Variants in TAF1 observed in about 807,000 individuals in gnomAD.
The protein encoded by TAF1 is TATA-box binding protein associated factor 1.
A neutral mutation model predicts 138.5 loss-of-function variants in TAF1; 2 were observed. That is an observed-to-expected ratio of 0.01 (90% confidence interval 0.01 to 0.05). The LOEUF (loss-of-function observed/expected upper bound fraction) is 0.05. Among genes scored for constraint, TAF1 ranks in the 10% least tolerant of loss-of-function variants. TAF1 has a pLI of 1.00. For missense variants in TAF1, 709 were observed against 1,478.0 expected, an observed-to-expected ratio of 0.48 and a Z score of 8.53; for synonymous variants, 437 against 503.2, an observed-to-expected ratio of 0.87 and a Z score of 1.76.
intron 13 of TAF1, among the ~76,000 whole-genome samples, chrX:71,479,311 C>G: frequency 8.9e-6 from 1 of 112,145 alleles, no homozygotes; most frequent in Non-Finnish European, 1.9e-5. Context: ...ATGGCTCATG[C>G]CTGTAATCCC....
rs1335791261 is a variant in TAF1, at chrX:71,377,589, A to G, written c.715-14A>G. ...CTTTGAGTCTGTGTCATAGTAATGT[A>G]TTCTGTGTTCTAGGTGTTACGTTTT... is the stretch of plus-strand genomic sequence containing the variant. On this transcript the variant is annotated splice_polypyrimidine_tract_variant and intron_variant, in intron 5 of 37. Transcript: ENST00000423759. The G allele has an allele frequency of 3.3e-6, 4 of 1,206,004 alleles. No homozygotes were observed. The African/African-American group carries it at 5.3e-5, about 16-fold the overall frequency.
chrX:71,493,824 C>G (rs187229671), intron 13 of TAF1, among the ~76,000 whole-genome samples: 176 of 110,641 alleles, frequency 1.6e-3, no homozygotes, highest in Non-Finnish European at 2.9e-3. Context: ...CCTCCACCCC[C>G]ATCTCTGCAA....
At chrX:71,401,000 A>C (rs2035146862) in intron 24 of TAF1, among the ~76,000 whole-genome samples, 1 of 112,261 alleles carries the variant, frequency 8.9e-6, no homozygotes, top group Non-Finnish European at 1.9e-5. Context: ...CAGGCTGATG[A>C]TGCTGCTGAA....
rs1242119096 is a variant in TAF1, at chrX:71,401,879, T to C, written c.3998+140T>C. 4 of 577,839 alleles carry C rather than the reference T, an allele frequency of 6.9e-6. No individual in the cohort carries two copies. The East Asian group carries it at 1.4e-4, about 20-fold the overall frequency. The allele number at this position is 577,839 out of a possible 1,213,427, so 47.6% of individuals were successfully genotyped here. On this transcript the variant is annotated intron_variant, in intron 25 of 37. Transcript: ENST00000423759. Reference sequence around the variant, plus strand: ...AATTTTGATGGCGTTTCCTCAGTTATTGTTGCCAGTAATGAAAATTATAGC... The same window carrying C: ...AATTTTGATGGCGTTTCCTCAGTTACTGTTGCCAGTAATGAAAATTATAGC...
intron 29 of TAF1, 80 bp from the exon 30 acceptor site, chrX:71,423,037 C>G: frequency 8.6e-7 from 1 of 1,168,552 alleles, no homozygotes; most frequent in Non-Finnish European, 1.2e-6. Context: ...CCACCACGCC[C>G]GGCAAATTGT....
At chrX:71,427,096 C>G (rs1012314722) in intron 32 of TAF1, among the ~76,000 whole-genome samples, 1 of 111,783 alleles carries the variant, frequency 8.9e-6, no homozygotes, top group Non-Finnish European at 1.9e-5. Context: ...GTCAGAAAGA[C>G]TGATGAAGAA....
intron 18 of TAF1, 39 bp from the exon 19 acceptor site, chrX:71,392,530 T>G (rs369307444): frequency 2.6e-5 from 29 of 1,122,809 alleles, no homozygotes; most frequent in Non-Finnish European, 3.4e-5. Flanking sequence ...ATAGAACAAA[T>G]GTTTCCCACT....
intron 13 of TAF1, among the ~76,000 whole-genome samples, chrX:71,508,734 G>A (rs2039679205): frequency 9.5e-6 from 1 of 105,058 alleles, no homozygotes; most frequent in Admixed American, 1.0e-4. Context: ...GAGAGACAGA[G>A]TGAGTGTGTG....
intron 24 of TAF1, among the ~76,000 whole-genome samples, chrX:71,399,388 C>G (rs922463613): frequency 2.9e-5 from 3 of 102,607 alleles, no homozygotes; most frequent in Non-Finnish European, 5.9e-5. Context: ...TCTCGAATAG[C>G]TGGGATTACA....
At chrX:71,503,974 A>ATT (rs2039570896) in intron 13 of TAF1, among the ~76,000 whole-genome samples, 1 of 111,248 alleles carries the variant, frequency 9.0e-6, no homozygotes, top group Non-Finnish European at 1.9e-5. Flanking sequence ...TGTAGACGTG[A>ATT]TTGAAGTCCA....
At chrX:71,497,790 G>A (rs2039423353) in intron 13 of TAF1, among the ~76,000 whole-genome samples, 1 of 111,446 alleles carries the variant, frequency 9.0e-6, no homozygotes, top group Non-Finnish European at 1.9e-5. Flanking sequence ...TCCTTGATTA[G>A]AGTATAGAGT....
chrX:71,486,620 G>A (rs1383515477), intron 13 of TAF1, among the ~76,000 whole-genome samples: 1 of 109,108 alleles, frequency 9.2e-6, no homozygotes, highest in Non-Finnish European at 1.9e-5. Context: ...AAAGTGCTGG[G>A]ATTACCGGCG....
intron 25 of TAF1, among the ~76,000 whole-genome samples, chrX:71,402,493 C>A (rs1266016558): frequency 8.9e-6 from 1 of 112,098 alleles, no homozygotes; most frequent in Non-Finnish European, 1.9e-5. Context: ...CCCACCTCGG[C>A]CTCCCCAAGC....
intron 25 of TAF1, among the ~76,000 whole-genome samples, chrX:71,402,618 G>A (rs2035240634): frequency 8.9e-6 from 1 of 112,149 alleles, no homozygotes; most frequent in Non-Finnish European, 1.9e-5. Flanking sequence ...CTTGCCCTCA[G>A]AGAGTTTAAT....
chrX:71,410,249 C>T (rs2035700660), intron 28 of TAF1, among the ~76,000 whole-genome samples: 1 of 110,087 alleles, frequency 9.1e-6, no homozygotes, highest in Non-Finnish European at 1.9e-5. Context: ...TTATAACCCT[C>T]ATTTTCCAGA....
chrX:71,499,716 A>G (rs1052080364), intron 13 of TAF1, among the ~76,000 whole-genome samples: 1 of 111,474 alleles, frequency 9.0e-6, no homozygotes, highest in African/African-American at 3.3e-5. Flanking sequence ...GCTGACTGGT[A>G]GGGAATTTGT....
At chrX:71,431,237 A>G (rs1266267367) in intron 32 of TAF1, among the ~76,000 whole-genome samples, 1 of 108,365 alleles carries the variant, frequency 9.2e-6, no homozygotes, top group Non-Finnish European at 1.9e-5. Flanking sequence ...TAATTTTTGT[A>G]TTTTTAGCAG....
Position 71,454,254 on chromosome X carries a change from G to C in TAF1, c.4821+17G>C. 1 of 1,196,482 alleles carries C rather than the reference G, an allele frequency of 8.4e-7. No individual in the cohort carries two copies. Among genetic ancestry groups the C allele is most frequent in the South Asian group, 1.8e-5 (1 of 56,297 alleles). On this transcript the variant is annotated intron_variant, in intron 33 of 37. Coordinates refer to ENST00000423759, the MANE Select transcript of TAF1 (RefSeq NM_004606.5). ...TTGACTGAGGTAGGTGGTAAAGATG[G>C]AGGTCCTAAGCCTGGGCAACATAAG...
chrX:71,382,386 A>T, intron 9 of TAF1, 150 bp from the exon 10 acceptor site: 1 of 750,780 alleles, frequency 1.3e-6, no homozygotes, highest in Non-Finnish European at 1.9e-6. Flanking sequence ...ATCGTGGACT[A>T]GAAGTTACCT....
Sources: allele counts gnomAD v4.1 joint callset (sites outside exome capture counted in the v4.1 genomes callset), GRCh38; gene constraint gnomAD v4.1.1; transcripts MANE v1.5; gene names NCBI Gene and HGNC (gene_info 2026-07-23, HGNC 2026-07-21).